The following PTK2 variants were observed in gnomAD, a reference collection of about 807,000 sequenced individuals.
The protein encoded by PTK2 is protein tyrosine kinase 2, also known as focal adhesion kinase 1.
Under a neutral mutation model 150.1 loss-of-function variants are expected in PTK2, and 45 were observed. That is an observed-to-expected ratio of 0.30 (90% CI 0.24 to 0.38). PTK2 has a LOEUF of 0.38. Among genes scored for constraint, PTK2 ranks in the 10% least tolerant of loss-of-function variants. The probability of loss-of-function intolerance (pLI) is 1.00; values close to 1 mark genes in which losing one functional copy is unlikely to be tolerated. For synonymous variants in PTK2, 432 were observed against 449.2 expected (o/e 0.96, Z 0.48); for missense variants, 919 against 1,307.3 (o/e 0.70, Z 4.58).
chr8:140,804,169 T>C (rs2100096900), intron 10 of PTK2, among the ~76,000 whole-genome samples: 1 of 151,734 alleles, frequency 6.6e-6, no homozygotes, highest in Admixed American at 6.6e-5. Context: ...AATAACCTCT[T>C]AAGCCATGCC....
intron 16 of PTK2, among the ~76,000 whole-genome samples, chr8:140,759,756 T>C (rs557458434): frequency 5.3e-5 from 8 of 151,958 alleles, no homozygotes; most frequent in African/African-American, 1.4e-4. Flanking sequence ...CGAGGGAGGA[T>C]AACTTGAGTT....
At chr8:140,730,726 T>C (rs2100048673) in intron 22 of PTK2, among the ~76,000 whole-genome samples, 1 of 152,242 alleles carries the variant, frequency 6.6e-6, no homozygotes, top group Non-Finnish European at 1.5e-5. Flanking sequence ...TTGCCTAAAA[T>C]ATATTTAAGA....
At chr8:140,953,102 A>G (rs369484585) in intron 1 of PTK2, among the ~76,000 whole-genome samples, 4 of 152,358 alleles carry the variant, frequency 2.6e-5, no homozygotes, top group Non-Finnish European at 4.4e-5. Flanking sequence ...GTTAGGAAAT[A>G]TAATACCTAG....
intron 1 of PTK2, among the ~76,000 whole-genome samples, chr8:140,931,037 C>T (rs1031808082): frequency 2.7e-5 from 4 of 148,168 alleles, no homozygotes; most frequent in South Asian, 2.1e-4. Context: ...CACCACTGCA[C>T]TCCAGCCTGC....
rs1221083642 is a variant in PTK2 at position 140,825,043 on chromosome 8, T to C, written c.648+5429A>G. Among the ~76,000 whole-genome samples, 3 of 152,198 alleles carry C rather than the reference T, an allele frequency of 2.0e-5. No individual in the cohort carries two copies. The East Asian group carries it at 5.8e-4, about 29-fold the overall frequency. On this transcript the variant is annotated intron_variant, in intron 8 of 31. Coordinates refer to ENST00000522684, the Ensembl canonical transcript of PTK2. ...GATGCTGCTAGCAACAATAGATTCC[T>C]AGGACTTCCCAGATGCAAAGGTTGT... is the stretch of plus-strand genomic sequence containing the variant.
At chr8:140,941,750 C>T (rs1174702825) in intron 1 of PTK2, among the ~76,000 whole-genome samples, 3 of 152,016 alleles carry the variant, frequency 2.0e-5, no homozygotes, top group Non-Finnish European at 4.4e-5. Flanking sequence ...TTGTCACCTA[C>T]GCTGGGATGC....
At chr8:140,725,637 G>A (rs578025160) in intron 22 of PTK2, among the ~76,000 whole-genome samples, 24 of 152,338 alleles carry the variant, frequency 1.6e-4, no homozygotes, top group African/African-American at 5.8e-4. Context: ...GACAGGCAGA[G>A]AAGGAGTGCT....
At chr8:140,898,762 C>T (rs997290713) in intron 2 of PTK2, among the ~76,000 whole-genome samples, 1 of 152,148 alleles carries the variant, frequency 6.6e-6, no homozygotes, top group African/African-American at 2.4e-5. Context: ...AAGATAACTA[C>T]CTCATTATGC....
chr8:140,754,761 C>T (rs1403343634), intron 16 of PTK2, among the ~76,000 whole-genome samples: 1 of 152,212 alleles, frequency 6.6e-6, no homozygotes, highest in Non-Finnish European at 1.5e-5. Context: ...GCGAATAGGA[C>T]ATGCGGCTAG....
intron 14 of PTK2, among the ~76,000 whole-genome samples, chr8:140,784,488 C>T (rs1258803989): frequency 1.3e-5 from 2 of 152,020 alleles, no homozygotes; most frequent in African/African-American, 2.4e-5. Flanking sequence ...CAAGTTTATA[C>T]CTTCAAAATA....
At chr8:140,938,227 G>A (rs553469380) in intron 1 of PTK2, among the ~76,000 whole-genome samples, 1 of 152,282 alleles carries the variant, frequency 6.6e-6, no homozygotes, top group Admixed American at 6.5e-5. Flanking sequence ...AAATACCAGA[G>A]TGCTTTGACC....
chr8:140,698,535 C>T (rs571013875), intron 26 of PTK2, among the ~76,000 whole-genome samples: 8 of 152,270 alleles, frequency 5.3e-5, no homozygotes, highest in South Asian at 2.1e-4. Context: ...CTCACTGCAA[C>T]CACCACCTCC....
intron 27 of PTK2, among the ~76,000 whole-genome samples, chr8:140,684,229 G>C (rs201495821): frequency 6.6e-6 from 1 of 152,154 alleles, no homozygotes; most frequent in African/African-American, 2.4e-5. Flanking sequence ...ATGGGGTGGG[G>C]GATGGTTTTG....
chr8:140,695,916 T>C, intron 26 of PTK2, among the ~76,000 whole-genome samples: 1 of 152,200 alleles, frequency 6.6e-6, no homozygotes, highest in East Asian at 1.9e-4. Context: ...GTATATTAAA[T>C]TTTAATTTAT....
chr8:140,760,499 T>G (rs950664261), intron 16 of PTK2, among the ~76,000 whole-genome samples: 2 of 152,222 alleles, frequency 1.3e-5, no homozygotes, highest in Admixed American at 6.5e-5. Flanking sequence ...ATTATATGTT[T>G]CATTTATACA....
intron 23 of PTK2, among the ~76,000 whole-genome samples, chr8:140,710,409 G>A (rs1227680059): frequency 1.3e-5 from 2 of 151,442 alleles, no homozygotes; most frequent in East Asian, 1.9e-4. Flanking sequence ...TGGGCCGGGC[G>A]TGATGGTTCA....
rs1052320385 is a variant in PTK2, at chr8:140,704,688, G to A, written c.2229+1431C>T. Among the ~76,000 whole-genome samples the A allele has an allele frequency of 2.6e-5, 4 of 152,196 alleles. No homozygotes were observed. The South Asian group carries it at 8.3e-4, about 32-fold the overall frequency. ...ATCTGCTTGTCTGCCAGAGGTCAGG[G>A]TCTCTCAGCAATCATAGAGGTGGGG... On this transcript the variant is annotated intron_variant, in intron 24 of 31. Coordinates refer to ENST00000522684, the Ensembl canonical transcript of PTK2.
chr8:140,996,527 C>T (rs973026989), intron 1 of PTK2, among the ~76,000 whole-genome samples: 3 of 152,180 alleles, frequency 2.0e-5, no homozygotes. Context: ...AAAGGATGGG[C>T]TGACTCTCGT....
At chr8:140,885,727 C>G (rs1568180239) in intron 3 of PTK2, among the ~76,000 whole-genome samples, 1 of 152,092 alleles carries the variant, frequency 6.6e-6, no homozygotes, top group East Asian at 1.9e-4. Flanking sequence ...TTAAGCAAAT[C>G]ACTGATTCGG....
Sources: allele counts gnomAD v4.1 joint callset (sites outside exome capture counted in the v4.1 genomes callset), GRCh38; gene constraint gnomAD v4.1.1; transcripts MANE v1.5; gene names NCBI Gene and HGNC (gene_info 2026-07-23, HGNC 2026-07-21).